DIS3L2: variants seen among roughly 807,000 people sequenced by gnomAD.
DIS3L2 encodes DIS3 like 3'-5' exoribonuclease 2.
In DIS3L2, 34 loss-of-function variants were observed where a neutral mutation model predicts 97.5. The observed-to-expected ratio is 0.35, with a 90% CI of 0.27 to 0.46. The LOEUF is 0.46. DIS3L2 is among the 20% of genes least tolerant of loss of function. The pLI is 1.00. For missense variants in DIS3L2, 1,038 were observed against 1,146.0 expected, an observed-to-expected ratio of 0.91 and a Z score of 1.36; for synonymous variants, 435 against 445.2, an observed-to-expected ratio of 0.98 and a Z score of 0.29.
chr2:232,130,844 T>A, intron 7 of DIS3L2, 125 bp downstream of exon 7: 3 of 1,287,404 alleles, frequency 2.3e-6, no homozygotes, highest in South Asian at 2.3e-5. Context: ...GAGCAGAGAA[T>A]CATAAAAAGT....
At chr2:232,264,290 C>T (rs1428959895) in intron 13 of DIS3L2, among the ~76,000 whole-genome samples, 2 of 152,160 alleles carry the variant, frequency 1.3e-5, no homozygotes, top group African/African-American at 2.4e-5. Flanking sequence ...GGCCCATGGC[C>T]CGGCAGTTAG....
chr2:232,033,525 G>C (rs1694867806), intron 5 of DIS3L2, among the ~76,000 whole-genome samples: 1 of 152,180 alleles, frequency 6.6e-6, no homozygotes, highest in South Asian at 2.1e-4. Context: ...AGAGTGCTGA[G>C]AGAGGGCATC....
intron 6 of DIS3L2, among the ~76,000 whole-genome samples, chr2:232,095,974 T>G (rs1341153273): frequency 6.6e-6 from 1 of 151,868 alleles, no homozygotes; most frequent in African/African-American, 2.4e-5. Flanking sequence ...CTCTTTTCTT[T>G]TCTTTTTCTT....
intron 10 of DIS3L2, among the ~76,000 whole-genome samples, chr2:232,211,580 C>T (rs1692191455): frequency 6.6e-6 from 1 of 152,220 alleles, no homozygotes; most frequent in Non-Finnish European, 1.5e-5. Flanking sequence ...ACTAACATGG[C>T]CTTTGACATT....
At chr2:232,104,524 A>G (rs949355895) in intron 6 of DIS3L2, among the ~76,000 whole-genome samples, 3 of 152,054 alleles carry the variant, frequency 2.0e-5, no homozygotes, top group South Asian at 2.1e-4. Context: ...CTATTTCCCA[A>G]ACCTTTTCAT....
At chr2:232,044,909 T>A (rs1051908258) in intron 5 of DIS3L2, among the ~76,000 whole-genome samples, 1 of 152,028 alleles carries the variant, frequency 6.6e-6, no homozygotes, top group Non-Finnish European at 1.5e-5. Flanking sequence ...GGATTACAGG[T>A]GTGAGTCACT....
At chr2:232,045,701 G>A (rs1695222241) in intron 5 of DIS3L2, among the ~76,000 whole-genome samples, 1 of 128,956 alleles carries the variant, frequency 7.8e-6, no homozygotes, top group African/African-American at 2.9e-5. Context: ...TTGAGATAGA[G>A]TCTCGCTCTG....
At chr2:232,193,927 G>A (rs1299554629) in intron 9 of DIS3L2, among the ~76,000 whole-genome samples, 4 of 152,046 alleles carry the variant, frequency 2.6e-5, no homozygotes, top group Admixed American at 2.6e-4. Flanking sequence ...TGGCCAACAC[G>A]GCAAAACCCT....
intron 1 of DIS3L2, among the ~76,000 whole-genome samples, chr2:231,981,603 T>C (rs1469779957): frequency 1.1e-5 from 1 of 93,736 alleles, no homozygotes; most frequent in East Asian, 2.7e-4. Flanking sequence ...GTATTTTATA[T>C]ATATATATAT....
intron 14 of DIS3L2, among the ~76,000 whole-genome samples, chr2:232,315,486 C>A (rs1695246506): frequency 6.6e-6 from 1 of 152,036 alleles, no homozygotes; most frequent in African/African-American, 2.4e-5. Flanking sequence ...GCTCTCTTAG[C>A]TTTTGGCTGT....
chr2:232,142,139 G>C lies in DIS3L2; in HGVS notation c.950+5420G>C, dbSNP rs189976365. 1.7e-3 allele frequency among the ~76,000 whole-genome samples: 252 copies of C among 151,958 alleles called. 1 individual carries two copies. Among genetic ancestry groups the C allele is most frequent in the Non-Finnish European group, 3.0e-3 (206 of 68,002 alleles). On this transcript the variant is annotated intron_variant, in intron 8 of 20. Coordinates refer to ENST00000325385, the MANE Select transcript of DIS3L2 (RefSeq NM_152383.5). ...ATAATGCTATGGACTCGCATTACCAGATCTATAGAGTTTGTATGTTCTTTT... is the reference window on the plus strand; with the variant it reads ...ATAATGCTATGGACTCGCATTACCACATCTATAGAGTTTGTATGTTCTTTT...
chr2:232,242,246 C>G (rs1171609507), intron 11 of DIS3L2, among the ~76,000 whole-genome samples: 1 of 152,166 alleles, frequency 6.6e-6, no homozygotes, highest in Non-Finnish European at 1.5e-5. Context: ...GCTGAGTGTA[C>G]CTTGTTGTTA....
intron 1 of DIS3L2, among the ~76,000 whole-genome samples, chr2:231,987,914 A>G (rs1000602567): frequency 6.6e-6 from 1 of 151,706 alleles, no homozygotes; most frequent in African/African-American, 2.4e-5. Flanking sequence ...ATCTCTGCTC[A>G]CTGTGCGCGA....
rs200467865 is a variant in DIS3L2, at chr2:232,336,643, G to A, written c.*13G>A. The A allele has an allele frequency of 4.2e-3, 6,296 of 1,496,866 alleles. 21 individuals carry two copies. The highest frequency in any genetic ancestry group is 5.8e-3 in the East Asian group (233 of 40,376). The allele number at this position is 1,496,866 out of a possible 1,614,324, so 92.7% of individuals were successfully genotyped here. ...AAGCACCAGCTGAGCTCCACCAGCC[G>A]CCTGCCCCGCCTGCCCCGCCTGCCT... On this transcript the variant is annotated 3_prime_UTR_variant, in exon 21 of 21. Coordinates refer to ENST00000325385, the MANE Select transcript of DIS3L2 (RefSeq NM_152383.5).
chr2:232,122,824 A>C (rs1697948822), intron 6 of DIS3L2, among the ~76,000 whole-genome samples: 1 of 152,236 alleles, frequency 6.6e-6, no homozygotes, highest in Non-Finnish European at 1.5e-5. Flanking sequence ...AGGACACTAC[A>C]TGTAAACATA....
chr2:232,279,304 AG>A (rs1330572471), intron 13 of DIS3L2, among the ~76,000 whole-genome samples: 1 of 152,064 alleles, frequency 6.6e-6, no homozygotes, highest in East Asian at 1.9e-4. Flanking sequence ...TTTGTTTTTT[AG>A]GTGTGGTGAT....
chr2:232,302,551 T>A (rs1455103089), intron 14 of DIS3L2, among the ~76,000 whole-genome samples: 3 of 142,268 alleles, frequency 2.1e-5, no homozygotes, highest in Non-Finnish European at 1.5e-5. Context: ...TATTTTCTTC[T>A]TCTTCTTTTT....
At chr2:232,094,917 C>T (rs1341458504) in intron 6 of DIS3L2, among the ~76,000 whole-genome samples, 1 of 151,870 alleles carries the variant, frequency 6.6e-6, no homozygotes, top group Non-Finnish European at 1.5e-5. Context: ...TCTTCTTTTT[C>T]TCTTCTTATA....
chr2:232,047,184 T>C (rs527276081), intron 5 of DIS3L2, among the ~76,000 whole-genome samples: 8 of 152,378 alleles, frequency 5.3e-5, no homozygotes, highest in Admixed American at 5.2e-4. Context: ...AAAGAGTTTT[T>C]GTATCTTGAA....
Sources: allele counts gnomAD v4.1 joint callset (sites outside exome capture counted in the v4.1 genomes callset), GRCh38; gene constraint gnomAD v4.1.1; transcripts MANE v1.5; gene names NCBI Gene and HGNC (gene_info 2026-07-23, HGNC 2026-07-21).